The following APOLD1 variants were observed in gnomAD, a reference collection of about 807,000 sequenced individuals.
APOLD1 encodes the protein apolipoprotein L domain containing 1.
In APOLD1, 22 loss-of-function variants were observed where a neutral mutation model predicts 15.3. That is an observed-to-expected ratio of 1.44 (90% CI 1.03 to 2.05). APOLD1 has a LOEUF of 2.05. APOLD1 is among the 30% of genes most tolerant of loss of function. APOLD1 has a pLI of 0.00. For missense variants in APOLD1, 394 were observed against 353.5 expected (o/e 1.11, Z -0.92); for synonymous variants, 190 against 167.4 (o/e 1.13, Z -1.04).
intron 1 of APOLD1, among the ~76,000 whole-genome samples, chr12:12,768,347 T>C (rs897971312): frequency 6.6e-6 from 1 of 152,002 alleles, no homozygotes; most frequent in African/African-American, 2.4e-5. Context: ...GTAAAAGCAA[T>C]TGAGGCTGAG....
chr12:12,791,147 G>A lies in APOLD1; in HGVS notation c.*3495G>A, dbSNP rs148873004. The A allele has an allele frequency of 1.3e-5, 2 of 152,252 alleles. No homozygotes were observed. Among genetic ancestry groups the A allele is most frequent in the East Asian group, 3.9e-4 (2 of 5,188 alleles). The allele number at this position is 152,252 out of a possible 1,614,324, so 9.4% of individuals were successfully genotyped here. On this transcript the variant is annotated 3_prime_UTR_variant, in exon 2 of 2. Transcript: ENST00000356591. ...AAAAAATAATCCTTAGCAAGCATTC[G>A]AATCCTAACTGCTTTGATGCACTTG...
At position 12,779,908 on chromosome 12, in the gene APOLD1, G is replaced by A. The variant is rs79048528; in HGVS notation, c.97-7001G>A. ...TTGGAGGAATGAAAATGGCTGGAGT[G>A]CAGTACTTGTTGAGTCTTTATTTTC... On this transcript the variant is annotated intron_variant, in intron 1 of 1. Transcript: ENST00000326765. Among the ~76,000 whole-genome samples the A allele has an allele frequency of 1.2e-4, 18 of 152,282 alleles. No homozygotes were observed. The East Asian group carries it at 3.5e-3, about 29-fold the overall frequency.
At chr12:12,768,287 G>T (rs1447702302) in intron 1 of APOLD1, among the ~76,000 whole-genome samples, 1 of 151,984 alleles carries the variant, frequency 6.6e-6, no homozygotes, top group African/African-American at 2.4e-5. Flanking sequence ...ACATTGTGTA[G>T]GTCTCACAGG....
chr12:12,761,804 TG>T lies in APOLD1; in HGVS notation c.97-25104del, dbSNP rs1426022361. On this transcript the variant is annotated intron_variant, in intron 1 of 1. Coordinates refer to the APOLD1 transcript ENST00000326765. ...GTTTGAATGAACATATATATATACA[TG>T]AACATATACATATATGTATATGTAT... Among the ~76,000 whole-genome samples the T allele has an allele frequency of 3.4e-3, 476 of 140,862 alleles. 16 individuals are homozygous for T. The highest frequency in any genetic ancestry group is 0.012 in the African/African-American group (418 of 34,726). 92.4% of individuals were successfully genotyped at this position (140,862 alleles called of 152,430 possible).
intron 1 of APOLD1, among the ~76,000 whole-genome samples, chr12:12,777,923 T>TTTTTTTTTTTGTTG (rs1555092183): frequency 7.4e-5 from 9 of 121,564 alleles, no homozygotes; most frequent in Non-Finnish European, 1.2e-4. Flanking sequence ...TTTTTTTTTT[T>TTTTTTTTTTTGTTG]TTGTTGTTGT....
At chr12:12,768,540 T>G (rs1946959202) in intron 1 of APOLD1, among the ~76,000 whole-genome samples, 1 of 151,978 alleles carries the variant, frequency 6.6e-6, no homozygotes, top group Admixed American at 6.6e-5. Context: ...GAGTCCCAGC[T>G]ACTCAGGAGG....
rs547083144 is a variant in APOLD1, at chr12:12,744,583, CA to C, written c.96+18493del. Among the ~76,000 whole-genome samples the C allele has an allele frequency of 5.3e-5, 8 of 152,186 alleles. No homozygotes were observed. The East Asian group carries it at 1.5e-3, about 29-fold the overall frequency. ...GAGATCGCACCACTGCACTCCATAT[CA>C]AAAAACAAAGAACTGCTTGGTTTCT... On this transcript the variant is annotated intron_variant, in intron 1 of 1. Transcript: ENST00000326765.
At position 12,787,834 on chromosome 12, in the gene APOLD1, C is replaced by A; in HGVS notation, c.*182C>A. 1 of 843,868 alleles carries A rather than the reference C, an allele frequency of 1.2e-6. No homozygotes were observed. The highest frequency in any genetic ancestry group is 1.8e-6 in the Non-Finnish European group (1 of 565,366). 52.3% of individuals were successfully genotyped at this position (843,868 alleles called of 1,614,324 possible). ...TCTTTTCCCATCACTGTGACATCTG[C>A]CTGGGCTTGAGTGCTACGGACTTTT... On this transcript the variant is annotated 3_prime_UTR_variant, in exon 2 of 2. Transcript: ENST00000356591. The surrounding 1 kb of genome is among the most constrained non-coding windows in gnomAD (Gnocchi z 4.9).
chr12:12,741,470 C>T (rs905211614), intron 1 of APOLD1, among the ~76,000 whole-genome samples: 6 of 152,196 alleles, frequency 3.9e-5, no homozygotes, highest in Admixed American at 3.3e-4. Context: ...CTGCCTCAGC[C>T]TCCCAAAGTG....
chr12:12,755,370 G>A (rs998889384), intron 1 of APOLD1, among the ~76,000 whole-genome samples: 5 of 152,052 alleles, frequency 3.3e-5, no homozygotes, highest in Non-Finnish European at 7.4e-5. Flanking sequence ...TAGGGCAAAA[G>A]GAAGCCCTAT....
chr12:12,785,379 A>C (rs1378649169), upstream of APOLD1, among the ~76,000 whole-genome samples: 2 of 152,214 alleles, frequency 1.3e-5, no homozygotes, highest in African/African-American at 4.8e-5. Flanking sequence ...CAGGAAAGGC[A>C]GGGTATCCCA....
chr12:12,773,113 C>T (rs2136393146), intron 1 of APOLD1, among the ~76,000 whole-genome samples: 1 of 152,200 alleles, frequency 6.6e-6, no homozygotes, highest in East Asian at 1.9e-4. Context: ...AAAAACACAA[C>T]TTACCAAATT....
Position 12,785,706 on chromosome 12 carries a change from AC to A in APOLD1, c.3+15del. ...GACAGAAGTGAATGGTAAGTGGGGA[AC>A]CCTGAGGCATATATTCGGGATGACT... On this transcript the variant is annotated intron_variant, in intron 1 of 1. Coordinates refer to ENST00000356591, the MANE Select transcript of APOLD1 (RefSeq NM_030817.3). 6.2e-7 allele frequency: 1 copy of A among 1,611,682 alleles called. No homozygotes were observed. Among genetic ancestry groups the A allele is most frequent in the Non-Finnish European group, 8.5e-7 (1 of 1,177,756 alleles).
chr12:12,778,322 T>C (rs1216320014), intron 1 of APOLD1, among the ~76,000 whole-genome samples: 8 of 150,082 alleles, frequency 5.3e-5, no homozygotes, highest in Admixed American at 3.3e-4. Context: ...TTTTGCTTAT[T>C]TTATTTTACA....
chr12:12,785,822 G>C, intron 1 of APOLD1, 128 bp downstream of exon 1: 1 of 912,170 alleles, frequency 1.1e-6, no homozygotes, highest in Non-Finnish European at 1.8e-6. Context: ...TGTGAATAAG[G>C]AGATGAGGAT....
intron 1 of APOLD1, among the ~76,000 whole-genome samples, chr12:12,742,879 G>A (rs1030456459): frequency 7.2e-5 from 11 of 152,090 alleles, no homozygotes; most frequent in Admixed American, 2.6e-4. Flanking sequence ...ATCCTCTCAC[G>A]TCAGCCTTCT....
intron 1 of APOLD1, among the ~76,000 whole-genome samples, chr12:12,786,476 C>A (rs200413659): frequency 2.0e-5 from 3 of 151,966 alleles, no homozygotes; most frequent in African/African-American, 7.3e-5. Flanking sequence ...CTCCTAGGAT[C>A]CAATTTTCAC....
At chr12:12,728,713 AAGAG>A (rs1241955616) in intron 1 of APOLD1, among the ~76,000 whole-genome samples, 6 of 151,700 alleles carry the variant, frequency 4.0e-5, no homozygotes, top group Non-Finnish European at 8.8e-5. Context: ...AAAAGAAAGA[AAGAG>A]AAAGATTGGA....
chr12:12,743,248 G>T (rs988519597), intron 1 of APOLD1, among the ~76,000 whole-genome samples: 2 of 152,140 alleles, frequency 1.3e-5, no homozygotes, highest in African/African-American at 4.8e-5. Context: ...AACTCCTTTG[G>T]AGCCCAGTAT....
Sources: allele counts gnomAD v4.1 joint callset (sites outside exome capture counted in the v4.1 genomes callset), GRCh38; gene constraint gnomAD v4.1.1; non-coding constraint Gnocchi (gnomAD v3.1); transcripts MANE v1.5; gene names NCBI Gene and HGNC (gene_info 2026-07-23, HGNC 2026-07-21).